Variants in VDAC1 observed in about 807,000 individuals in gnomAD.
VDAC1 encodes voltage dependent anion channel 1.
A neutral mutation model predicts 34.7 loss-of-function variants in VDAC1; 10 were observed. The ratio of observed to expected loss-of-function variants is 0.29; its 90% CI spans 0.18 to 0.49. The LOEUF (loss-of-function observed/expected upper bound fraction) is 0.49, where lower values mean the gene tolerates loss of function less well. Among genes scored for constraint, VDAC1 ranks in the 20% least tolerant of loss-of-function variants. The pLI is 0.99. For synonymous variants in VDAC1, 130 were observed against 136.0 expected, an observed-to-expected ratio of 0.96 and a Z score of 0.30; for missense variants, 230 against 347.9, an observed-to-expected ratio of 0.66 and a Z score of 2.69.
At chr5:134,072,377 G>A in the VDAC1 span, among the ~76,000 whole-genome samples, 1 of 152,310 alleles carries the variant, frequency 6.6e-6, no homozygotes, top group South Asian at 2.1e-4. Flanking sequence ...CTCCAAAGGA[G>A]CTTCCATCCA....
At chr5:134,056,241 C>CAAAA in the VDAC1 span, among the ~76,000 whole-genome samples, 3 of 111,200 alleles carry the variant, frequency 2.7e-5, no homozygotes, top group African/African-American at 6.8e-5. Flanking sequence ...AACTCCGTCT[C>CAAAA]AAAAAAAAAA....
the VDAC1 span, among the ~76,000 whole-genome samples, chr5:134,021,165 C>T: frequency 2.0e-5 from 3 of 150,892 alleles, no homozygotes; most frequent in African/African-American, 7.3e-5. Context: ...CTCCAGCCTG[C>T]GTGACAGAAT....
intron 5 of VDAC1, among the ~76,000 whole-genome samples, chr5:133,985,242 C>T (rs1752862736): frequency 6.6e-6 from 1 of 152,208 alleles, no homozygotes; most frequent in South Asian, 2.1e-4. Context: ...CACAGACCTG[C>T]TCACCAACAG....
chr5:134,098,975 G>C, the VDAC1 span, among the ~76,000 whole-genome samples: 2 of 152,350 alleles, frequency 1.3e-5, no homozygotes, highest in East Asian at 3.9e-4. Flanking sequence ...TCCAGGCTCT[G>C]ATCCTGAAGG....
chr5:134,032,363 T>C, the VDAC1 span, among the ~76,000 whole-genome samples: 1 of 152,108 alleles, frequency 6.6e-6, no homozygotes, highest in African/African-American at 2.4e-5. Context: ...AATAAATGTA[T>C]GGTAATTTGT....
chr5:134,098,827 T>G, the VDAC1 span, among the ~76,000 whole-genome samples: 1 of 152,044 alleles, frequency 6.6e-6, no homozygotes, highest in Non-Finnish European at 1.5e-5. Flanking sequence ...GGGAGCAAAG[T>G]GCAAAAGGTC....
At chr5:134,063,940 C>G in the VDAC1 span, among the ~76,000 whole-genome samples, 474 of 151,642 alleles carry the variant, frequency 3.1e-3, 2 homozygotes, top group Non-Finnish European at 4.5e-3. Flanking sequence ...TCAAGCGATT[C>G]CCCCTCCTCA....
At chr5:134,037,667 G>T in the VDAC1 span, among the ~76,000 whole-genome samples, 1 of 152,090 alleles carries the variant, frequency 6.6e-6, no homozygotes, top group Non-Finnish European at 1.5e-5. Context: ...TTACACATTG[G>T]CCTGTGACTT....
chr5:133,995,627 C>CT (rs1413581356), intron 1 of VDAC1, among the ~76,000 whole-genome samples: 1 of 152,030 alleles, frequency 6.6e-6, no homozygotes, highest in African/African-American at 2.4e-5. Flanking sequence ...GCTTCCCCTC[C>CT]TTTTTGTGCA....
chr5:133,999,425 ACT>A (rs1254232151), intron 1 of VDAC1, among the ~76,000 whole-genome samples: 1 of 152,124 alleles, frequency 6.6e-6, no homozygotes, highest in African/African-American at 2.4e-5. Flanking sequence ...TACACTGGAT[ACT>A]CTGTCTGCCC....
chr5:134,069,083 C>T, the VDAC1 span, among the ~76,000 whole-genome samples: 2 of 151,758 alleles, frequency 1.3e-5, no homozygotes, highest in Non-Finnish European at 1.5e-5. Flanking sequence ...GCAAGACTCC[C>T]ACCCACACAG....
At chr5:134,056,007 G>A in the VDAC1 span, among the ~76,000 whole-genome samples, 176 of 152,072 alleles carry the variant, frequency 1.2e-3, no homozygotes, top group Non-Finnish European at 1.1e-3. Context: ...GGGAGGCTGA[G>A]GCAGGTGAAT....
At chr5:134,001,520 A>C (rs1753552488) in intron 1 of VDAC1, among the ~76,000 whole-genome samples, 2 of 151,890 alleles carry the variant, frequency 1.3e-5, no homozygotes, top group South Asian at 2.1e-4. Flanking sequence ...TTCAAGACCA[A>C]CCTGGCCAAG....
At chr5:134,054,808 C>G in the VDAC1 span, among the ~76,000 whole-genome samples, 80,641 of 151,908 alleles carry the variant, frequency 0.53, 22,796 homozygotes, top group East Asian at 0.68. Context: ...GTTACTGGCC[C>G]TCCTCCTGAT....
chr5:133,986,360 A>G (rs541769089), intron 5 of VDAC1, among the ~76,000 whole-genome samples: 1 of 151,662 alleles, frequency 6.6e-6, no homozygotes, highest in South Asian at 2.1e-4. Context: ...TTCCTCAAAT[A>G]CCCAGTAGCA....
chr5:134,057,084 C>T, the VDAC1 span, among the ~76,000 whole-genome samples: 6 of 152,150 alleles, frequency 3.9e-5, no homozygotes, highest in African/African-American at 1.2e-4. Context: ...CCTATAATTC[C>T]AGCACTTTAG....
At chr5:134,034,020 T>C in the VDAC1 span, among the ~76,000 whole-genome samples, 1 of 151,418 alleles carries the variant, frequency 6.6e-6, no homozygotes, top group African/African-American at 2.4e-5. Flanking sequence ...CCGAAATATA[T>C]TAGAAATAAA....
At chr5:134,010,679 A>G in the VDAC1 span, among the ~76,000 whole-genome samples, 1 of 152,168 alleles carries the variant, frequency 6.6e-6, no homozygotes, top group African/African-American at 2.4e-5. Context: ...TATGTTCAGT[A>G]TTACTTCAAC....
At chr5:134,031,389 T>C in the VDAC1 span, among the ~76,000 whole-genome samples, 1 of 152,206 alleles carries the variant, frequency 6.6e-6, no homozygotes, top group African/African-American at 2.4e-5. Context: ...TGCTGCCTTG[T>C]ATGGCTTAAG....
Sources: gnomAD v4.1 joint callset for allele counts (sites outside exome capture counted in the v4.1 genomes callset) on GRCh38, gnomAD v4.1.1 for gene constraint, MANE v1.5 for transcripts, NCBI Gene and HGNC (gene_info 2026-07-23, HGNC 2026-07-21) for gene names.